The following PNLIPRP1 variants were observed in gnomAD, a reference collection of about 807,000 sequenced individuals.
The protein encoded by PNLIPRP1 is inactive pancreatic lipase-related protein 1.
PNLIPRP1 carries 57 observed loss-of-function variants against 54.6 expected under a neutral mutation model. The observed-to-expected ratio is 1.04, with a 90% CI of 0.84 to 1.30. The LOEUF (loss-of-function observed/expected upper bound fraction) is 1.30, where lower values mean the gene tolerates loss of function less well. Among genes scored for constraint, PNLIPRP1 ranks in the 50% most tolerant of loss-of-function variants. The pLI, the probability that PNLIPRP1 is intolerant of heterozygous loss-of-function variation, is 0.00. For missense variants in PNLIPRP1, 567 were observed against 568.5 expected (o/e 1.00, Z 0.03); for synonymous variants, 232 against 208.8 (o/e 1.11, Z -0.96).
chr10:116,597,050 C>T (rs1411032392), intron 6 of PNLIPRP1, among the ~76,000 whole-genome samples: 1 of 152,134 alleles, frequency 6.6e-6, no homozygotes, highest in East Asian at 1.9e-4. Flanking sequence ...GAGATCCAGA[C>T]CTGGTTTTGC....
chr10:116,591,979 C>T (rs1847647436), intron 3 of PNLIPRP1, 54 bp downstream of exon 3: 1 of 1,579,688 alleles, frequency 6.3e-7, no homozygotes, highest in Admixed American at 1.7e-5. Context: ...CTATGCCCAC[C>T]CTGCAGACCA....
chr10:116,591,177 AG>A lies in PNLIPRP1; in HGVS notation c.49+1del, dbSNP rs782804139. The part of the protein sequence containing the change: ...ITLFLLGAAK[G>X]KEVCYEDLGC... ...CACTTTTCCTGCTGGGAGCAGCCAAAGGTAAGAAACACCACTCCTGCCCCGT... is the reference window on the plus strand; with the variant it reads ...CACTTTTCCTGCTGGGAGCAGCCAAAGTAAGAAACACCACTCCTGCCCCGT... On this transcript the variant is annotated frameshift_variant and splice_region_variant, in exon 2 of 13. Coordinates refer to ENST00000358834, the MANE Select transcript of PNLIPRP1 (RefSeq NM_006229.4). LOFTEE classifies it high-confidence loss of function. 6.2e-7 allele frequency: 1 copy of A among 1,612,664 alleles called. No individual in the cohort carries two copies. The highest frequency in any genetic ancestry group is 8.5e-7 in the Non-Finnish European group (1 of 1,179,056).
intron 10 of PNLIPRP1, among the ~76,000 whole-genome samples, chr10:116,603,048 T>A (rs1847876410): frequency 6.6e-6 from 1 of 152,220 alleles, no homozygotes; most frequent in Admixed American, 6.5e-5. Context: ...TTTGTGTATA[T>A]GTATTTGTGT....
chr10:116,604,498 G>A (rs920997546), intron 11 of PNLIPRP1, among the ~76,000 whole-genome samples: 1 of 152,124 alleles, frequency 6.6e-6, no homozygotes, highest in Non-Finnish European at 1.5e-5. Context: ...ATCTACGTTT[G>A]TGTGAGTACA....
Position 116,605,377 on chromosome 10 carries a change from T to C in PNLIPRP1, c.1173-9T>C. On this transcript the variant is annotated splice_polypyrimidine_tract_variant and intron_variant, in intron 11 of 12. Transcript: ENST00000358834. ...GTGAACAGGGATGTTTATGTTTCTCTATTTCAAGGGGGATTCTCAAACCAG... is the reference window on the plus strand; with the variant it reads ...GTGAACAGGGATGTTTATGTTTCTCCATTTCAAGGGGGATTCTCAAACCAG... 7 of 1,542,110 alleles carry C rather than the reference T, an allele frequency of 4.5e-6. No homozygotes were observed. The highest frequency in any genetic ancestry group is 6.2e-6 in the Non-Finnish European group (7 of 1,129,824).
intron 10 of PNLIPRP1, among the ~76,000 whole-genome samples, chr10:116,603,825 A>G (rs1847890519): frequency 6.6e-6 from 1 of 152,162 alleles, no homozygotes; most frequent in Admixed American, 6.6e-5. Flanking sequence ...CCTGGGAGGC[A>G]GAGGTGGCAG....
At chr10:116,592,279 A>T (rs369566194) in intron 3 of PNLIPRP1, 137 bp from the exon 4 acceptor site, 2 of 914,924 alleles carry the variant, frequency 2.2e-6, no homozygotes, top group African/African-American at 3.3e-5. Context: ...AAGGGAGATC[A>T]GGGTGGGCTT....
intron 12 of PNLIPRP1, among the ~76,000 whole-genome samples, chr10:116,607,590 T>G (rs903140146): frequency 4.6e-5 from 7 of 152,040 alleles, no homozygotes; most frequent in African/African-American, 1.7e-4. Flanking sequence ...GTGCAGGGAA[T>G]ATGATCGGAG....
rs1847920647 is a variant in PNLIPRP1 at position 116,605,444 on chromosome 10, G to T, written c.1231G>T (p.Gly411Ter). Residue 411 changes from glycine (G) to a stop codon, truncating the protein, a stop_gained, in exon 12 of 13, where the codon GGA becomes TGA. Transcript: ENST00000358834. LOFTEE classifies it high-confidence loss of function. Reference protein sequence around the residue: ...SYEFDAKLDVGTIEKVKFLWN... With the variant: ...SYEFDAKLDV Reference sequence around the variant, plus strand: ...TGAGTTTGATGCAAAGCTGGATGTTGGAACAATTGAGAAAGTCAAGTTTCT... The same window carrying T: ...TGAGTTTGATGCAAAGCTGGATGTTTGAACAATTGAGAAAGTCAAGTTTCT... 1.2e-6 allele frequency: 2 copies of T among 1,611,294 alleles called. No homozygotes were observed. The highest frequency in any genetic ancestry group is 4.5e-5 in the East Asian group (2 of 44,820).
chr10:116,593,367 T>C (rs1351338762), intron 4 of PNLIPRP1, among the ~76,000 whole-genome samples: 1 of 152,034 alleles, frequency 6.6e-6, no homozygotes, highest in Non-Finnish European at 1.5e-5. Context: ...TATACCACAA[T>C]ATACCATCAT....
At chr10:116,592,775 C>A in intron 4 of PNLIPRP1, 1 of 585,578 alleles carries the variant, frequency 1.7e-6, no homozygotes. Context: ...CTGGTTAAAC[C>A]AAGGCCTGAT....
chr10:116,591,628 A>C, intron 2 of PNLIPRP1, 143 bp from the exon 3 acceptor site: 3 of 803,456 alleles, frequency 3.7e-6, no homozygotes, highest in Non-Finnish European at 6.1e-6. Context: ...GGGGTCAAGA[A>C]GAGAGTGGGA....
At chr10:116,605,111 T>C (rs920544661) in intron 11 of PNLIPRP1, among the ~76,000 whole-genome samples, 14 of 152,214 alleles carry the variant, frequency 9.2e-5, no homozygotes, top group African/African-American at 1.9e-4. Context: ...AATTTGTTAC[T>C]GTACAAATAA....
intron 3 of PNLIPRP1, 94 bp downstream of exon 3, chr10:116,592,019 C>T (rs1479436628): frequency 1.5e-6 from 2 of 1,308,940 alleles, no homozygotes; most frequent in Non-Finnish European, 2.1e-6. Flanking sequence ...CCCTCTTCCT[C>T]CACCATGCCC....
intron 3 of PNLIPRP1, 173 bp downstream of exon 3, chr10:116,592,098 G>C (rs1554863286): frequency 5.9e-6 from 4 of 683,156 alleles, no homozygotes; most frequent in Non-Finnish European, 4.9e-6. Context: ...AGTAATGTTG[G>C]CTTGAATGAA....
chr10:116,591,361 C>A (rs1385547960), intron 2 of PNLIPRP1, among the ~76,000 whole-genome samples, 183 bp downstream of exon 2: 1 of 152,180 alleles, frequency 6.6e-6, no homozygotes, highest in East Asian at 1.9e-4. Flanking sequence ...TTCTGGGGAT[C>A]CCCCCAGTGG....
chr10:116,598,283 C>A, intron 8 of PNLIPRP1, 117 bp downstream of exon 8: 2 of 999,490 alleles, frequency 2.0e-6, no homozygotes, highest in South Asian at 1.8e-5. Context: ...ATACAATTCC[C>A]TCTTCTGGGG....
chr10:116,605,827 A>G (rs1554865521), intron 12 of PNLIPRP1, among the ~76,000 whole-genome samples: 1 of 152,226 alleles, frequency 6.6e-6, no homozygotes, highest in Non-Finnish European at 1.5e-5. Flanking sequence ...AGAGAACAAG[A>G]AATCCTTTCT....
intron 10 of PNLIPRP1, 73 bp from the exon 11 acceptor site, chr10:116,603,957 A>T (rs1291335738): frequency 2.7e-6 from 2 of 731,148 alleles, no homozygotes; most frequent in African/African-American, 3.6e-5. Context: ...AGAGTAAGAG[A>T]AGGAGACAAG....
Sources: allele counts gnomAD v4.1 joint callset (sites outside exome capture counted in the v4.1 genomes callset), GRCh38; gene constraint gnomAD v4.1.1; transcripts MANE v1.5; gene names NCBI Gene and HGNC (gene_info 2026-07-23, HGNC 2026-07-21).